The following ADGRD1 variants were observed in gnomAD, a reference collection of about 807,000 sequenced individuals.
ADGRD1 encodes the protein G-protein coupled receptor 133.
A neutral mutation model predicts 113.4 loss-of-function variants in ADGRD1; 77 were observed. The observed-to-expected ratio is 0.68, with a 90% CI of 0.57 to 0.82. ADGRD1 has a LOEUF of 0.82. ADGRD1 is among the 40% of genes least tolerant of loss of function. The pLI, the probability that ADGRD1 is intolerant of heterozygous loss-of-function variation, is 0.00. For synonymous variants in ADGRD1, 474 were observed against 475.0 expected (o/e 1.00, Z 0.03); for missense variants, 1,036 against 1,139.1 (o/e 0.91, Z 1.30).
chr12:131,131,851 C>A (rs764081259), intron 21 of ADGRD1, 35 bp downstream of exon 21: 1 of 1,322,470 alleles, frequency 7.6e-7, no homozygotes, highest in South Asian at 1.2e-5. Context: ...AGTGCCACGG[C>A]CCTTCTGCCC....
At chr12:131,036,625 A>AGGCCTCACTCACTGCATGG (rs1881444788) in intron 13 of ADGRD1, among the ~76,000 whole-genome samples, 2 of 104,262 alleles carry the variant, frequency 1.9e-5, no homozygotes, top group Admixed American at 2.0e-4. Context: ...TCACCGCACC[A>AGGCCTCACTCACTGCATGG]GGCCTCACTC....
chr12:130,987,509 CTG>C, intron 6 of ADGRD1, 160 bp downstream of exon 6: 1 of 700,188 alleles, frequency 1.4e-6, no homozygotes, highest in South Asian at 1.9e-5. Flanking sequence ...GTTAGAACAC[CTG>C]TTCCCTGAGA....
intron 21 of ADGRD1, among the ~76,000 whole-genome samples, chr12:131,133,292 C>T (rs1472419285): frequency 2.0e-5 from 3 of 152,212 alleles, no homozygotes; most frequent in South Asian, 4.1e-4. Context: ...ACTACTTCCA[C>T]TGTCACCAGA....
At chr12:131,080,967 G>A (rs868706460) in intron 14 of ADGRD1, among the ~76,000 whole-genome samples, 2 of 152,128 alleles carry the variant, frequency 1.3e-5, no homozygotes, top group African/African-American at 4.8e-5. Context: ...CTGTTATTAG[G>A]TGCATGTATG....
At chr12:131,114,190 G>T (rs1485729501) in intron 18 of ADGRD1, among the ~76,000 whole-genome samples, 1 of 152,176 alleles carries the variant, frequency 6.6e-6, no homozygotes, top group African/African-American at 2.4e-5. Context: ...CAGCCTGGAA[G>T]GATGTTTTAT....
In ADGRD1 at chr12:130,965,249, G is replaced by A. The variant is rs117673067; in HGVS notation, c.104-1214G>A. ...ATATTAAATTTGTACAAGCCTCCTTGCTAAATTCTTTTGTTGTTTGTAATA... is the reference window on the plus strand; with the variant it reads ...ATATTAAATTTGTACAAGCCTCCTTACTAAATTCTTTTGTTGTTTGTAATA... On this transcript the variant is annotated intron_variant, in intron 2 of 24. Coordinates refer to ENST00000261654, the MANE Select transcript of ADGRD1 (RefSeq NM_198827.5). The surrounding 1 kb of genome is among the most constrained non-coding windows in gnomAD (Gnocchi z 4.8). 1.3e-5 allele frequency among the ~76,000 whole-genome samples: 2 copies of A among 152,220 alleles called. No individual in the cohort carries two copies. Among genetic ancestry groups the A allele is most frequent in the Non-Finnish European group, 2.9e-5 (2 of 68,002 alleles).
intron 8 of ADGRD1, among the ~76,000 whole-genome samples, chr12:130,995,545 T>C (rs1875143994): frequency 6.6e-6 from 1 of 152,110 alleles, no homozygotes. Context: ...AGAGCAACAG[T>C]GGGGAGTAGA....
At chr12:130,983,501 C>T (rs983201188) in intron 5 of ADGRD1, among the ~76,000 whole-genome samples, 1 of 152,132 alleles carries the variant, frequency 6.6e-6, no homozygotes, top group Non-Finnish European at 1.5e-5. Context: ...GCTGGTGGAA[C>T]GTGGTTTCAG....
rs201619609 is a variant in ADGRD1, at chr12:131,041,011, C to CT, written c.1473+26671_1473+26672insT. On this transcript the variant is annotated intron_variant, in intron 13 of 24. Coordinates refer to ENST00000261654, the MANE Select transcript of ADGRD1 (RefSeq NM_198827.5). The surrounding 1 kb of genome is among the most constrained non-coding windows in gnomAD (Gnocchi z 4.4). Reference sequence around the variant, plus strand: ...CAGTGGGGCTGAATGGTGGCCCCCCCGGAGTTTGCCATCATCCCCACCTGG... The same window carrying CT: ...CAGTGGGGCTGAATGGTGGCCCCCCCTGGAGTTTGCCATCATCCCCACCTGG... 3.6e-3 allele frequency among the ~76,000 whole-genome samples: 553 copies of CT among 152,164 alleles called. 6 individuals are homozygous for CT. Among genetic ancestry groups the CT allele is most frequent in the African/African-American group, 0.013 (525 of 41,518 alleles).
At chr12:131,105,673 G>T in intron 16 of ADGRD1, 81 bp from the exon 17 acceptor site, 1 of 1,007,100 alleles carries the variant, frequency 9.9e-7, no homozygotes, top group South Asian at 1.4e-5. Context: ...TGGATATAGG[G>T]ACTTCGTGGG....
chr12:131,037,455 G>C (rs1169519598), intron 13 of ADGRD1, among the ~76,000 whole-genome samples: 1 of 144,610 alleles, frequency 6.9e-6, no homozygotes, highest in Non-Finnish European at 1.5e-5. Flanking sequence ...CACTGCATGG[G>C]GCCTCACTCA....
At chr12:131,081,719 C>T (rs1445774716) in intron 14 of ADGRD1, among the ~76,000 whole-genome samples, 2 of 152,146 alleles carry the variant, frequency 1.3e-5, no homozygotes, top group Non-Finnish European at 2.9e-5. Flanking sequence ...TAATAATTGC[C>T]TGTTTACCTT....
At chr12:131,127,412 C>T (rs748893430) in intron 20 of ADGRD1, among the ~76,000 whole-genome samples, 9 of 152,362 alleles carry the variant, frequency 5.9e-5, no homozygotes, top group Admixed American at 1.3e-4. Context: ...GGCAGAACCA[C>T]GCTTTATAGC....
chr12:130,970,416 TGGGATAAAA>T (rs1230851384), intron 3 of ADGRD1: 28 of 151,458 alleles, frequency 1.8e-4, no homozygotes, highest in African/African-American at 6.4e-4. Flanking sequence ...TCAGCAAAAA[TGGGATAAAA>T]TTTAAAAATG....
chr12:131,089,003 C>T (rs6486625), intron 15 of ADGRD1, among the ~76,000 whole-genome samples: 118,788 of 151,994 alleles, frequency 0.78, 48,646 homozygotes, highest in East Asian at 0.92. Context: ...GAGTGAGGCC[C>T]CACCGGTCCC....
intron 13 of ADGRD1, among the ~76,000 whole-genome samples, chr12:131,063,694 G>T (rs1314008372): frequency 6.6e-6 from 1 of 152,168 alleles, no homozygotes. Flanking sequence ...CTTGAAATCA[G>T]GTAGAGTGAA....
intron 20 of ADGRD1, among the ~76,000 whole-genome samples, chr12:131,125,188 CTTG>C (rs939533838): frequency 3.2e-4 from 49 of 152,294 alleles, no homozygotes; most frequent in African/African-American, 1.2e-3. Context: ...TCTAAGTGGT[CTTG>C]TTCTTAGGTA....
chr12:131,107,617 G>A (rs1358126669), intron 17 of ADGRD1, among the ~76,000 whole-genome samples: 1 of 152,220 alleles, frequency 6.6e-6, no homozygotes. Flanking sequence ...AAACCTTTGT[G>A]CCCAGATGGG....
rs1237772740 is a variant in ADGRD1, at chr12:130,965,099, T to G, written c.104-1364T>G. Among the ~76,000 whole-genome samples, 1 of 152,228 alleles carries G rather than the reference T, an allele frequency of 6.6e-6. No homozygotes were observed. Among genetic ancestry groups the G allele is most frequent in the African/African-American group, 2.4e-5 (1 of 41,472 alleles). On this transcript the variant is annotated intron_variant, in intron 2 of 24. Transcript: ENST00000261654. The surrounding 1 kb of genome is among the most constrained non-coding windows in gnomAD (Gnocchi z 4.8). Reference sequence around the variant, plus strand: ...GAATTATTATTTTTTATTTTCTTCATGAAAATCTTGTACAATTCTTATTCT... The same window carrying G: ...GAATTATTATTTTTTATTTTCTTCAGGAAAATCTTGTACAATTCTTATTCT...
Sources: allele counts gnomAD v4.1 joint callset (sites outside exome capture counted in the v4.1 genomes callset), GRCh38; gene constraint gnomAD v4.1.1; non-coding constraint Gnocchi (gnomAD v3.1); transcripts MANE v1.5; gene names NCBI Gene and HGNC (gene_info 2026-07-23, HGNC 2026-07-21).